Variants in RNF17 observed in about 807,000 individuals in gnomAD.
The protein encoded by RNF17 is ring finger protein 17, also known as spermatogenesis associated 23.
In RNF17, 31 loss-of-function variants were observed where a neutral mutation model predicts 200.5. The observed-to-expected ratio is 0.15, with a 90% CI of 0.12 to 0.21. The LOEUF (loss-of-function observed/expected upper bound fraction) is 0.21, where lower values mean the gene tolerates loss of function less well. Ranked by LOEUF, RNF17 falls within the 10% of genes least tolerant of loss-of-function variation. The probability of loss-of-function intolerance (pLI) is 1.00; values close to 1 mark genes in which losing one functional copy is unlikely to be tolerated. For missense variants in RNF17, 1,628 were observed against 1,905.1 expected (o/e 0.85, Z 2.71); for synonymous variants, 606 against 637.8 (o/e 0.95, Z 0.75).
intron 13 of RNF17, 57 bp downstream of exon 13, chr13:24,800,591 A>G (rs1885125483): frequency 6.8e-7 from 1 of 1,471,280 alleles, no homozygotes; most frequent in African/African-American, 1.4e-5. Flanking sequence ...TTAGCTATGT[A>G]TTGCCAGTTA....
chr13:24,762,468 G>A (rs1174550325), upstream of RNF17, among the ~76,000 whole-genome samples: 2 of 150,908 alleles, frequency 1.3e-5, no homozygotes, highest in Non-Finnish European at 3.0e-5. Flanking sequence ...TCACAAAACT[G>A]TAGAAGAGTC....
At chr13:24,866,080 A>G in intron 29 of RNF17, 64 bp from the exon 30 acceptor site, 1 of 875,580 alleles carries the variant, frequency 1.1e-6, no homozygotes, top group South Asian at 1.5e-5. Flanking sequence ...TGGGGATGAA[A>G]TATGGAAAGT....
chr13:24,796,041 T>C, intron 10 of RNF17, 96 bp from the exon 11 acceptor site: 2 of 893,694 alleles, frequency 2.2e-6, no homozygotes, highest in East Asian at 5.3e-5. Context: ...CACAATGCCA[T>C]AAGACACTCT....
chr13:24,883,218 T>G (rs1953913414), downstream of RNF17: 1 of 1,614,078 alleles, frequency 6.2e-7, no homozygotes, highest in Non-Finnish European at 8.5e-7. Context: ...TCCTTGTCCT[T>G]AACTCTTATC....
In RNF17 at chr13:24,868,641, A is replaced by G. The variant is rs768508587; in HGVS notation, c.4203A>G (p.Pro1401=). ...SAETDTPLLP[P]YLSSSLPSPG... ...AAACAGACACTCCTCTTTTACCACC[A>G]TATTTGTCTTCATCTCTGCCTTCCC... Residue 1401 remains proline, a synonymous_variant, in exon 31 of 36, where the codon CCA becomes CCG. Coordinates refer to ENST00000255324, the MANE Select transcript of RNF17 (RefSeq NM_031277.3). 2.7e-5 allele frequency: 43 copies of G among 1,611,014 alleles called. No homozygotes were observed. The highest frequency in any genetic ancestry group is 5.3e-5 in the African/African-American group (4 of 74,964).
intron 15 of RNF17, among the ~76,000 whole-genome samples, chr13:24,806,782 A>G (rs908981330): frequency 1.8e-4 from 25 of 141,574 alleles, no homozygotes; most frequent in Admixed American, 1.4e-3. Flanking sequence ...ATATCTCCCA[A>G]TGCTATCCCT....
chr13:24,790,625 C>T (rs1823618), intron 9 of RNF17, among the ~76,000 whole-genome samples: 149,616 of 152,296 alleles, frequency 0.98, 73,530 homozygotes, highest in Middle Eastern at 1. Context: ...TCTTCTGTAA[C>T]TCATAAAGAA....
At chr13:24,756,246 A>T in the RNF17 span, among the ~76,000 whole-genome samples, 2 of 152,202 alleles carry the variant, frequency 1.3e-5, no homozygotes, top group African/African-American at 4.8e-5. Context: ...CTAACTGATG[A>T]CATTTTCAGT....
chr13:24,768,258 C>T (rs965542420), intron 2 of RNF17, among the ~76,000 whole-genome samples: 1 of 150,958 alleles, frequency 6.6e-6, no homozygotes, highest in African/African-American at 2.4e-5. Flanking sequence ...TAATATTGTT[C>T]CTGGAAAGTT....
chr13:24,767,185 C>G, intron 1 of RNF17, 87 bp from the exon 2 acceptor site: 1 of 891,316 alleles, frequency 1.1e-6, no homozygotes, highest in Non-Finnish European at 1.8e-6. Context: ...GCTGGTGCCA[C>G]TACACTCCAG....
At chr13:24,751,694 C>T in the RNF17 span, 5 of 152,198 alleles carry the variant, frequency 3.3e-5, no homozygotes, top group Non-Finnish European at 7.3e-5. Flanking sequence ...TTTGTCAGAA[C>T]TCCCTGAATC....
downstream of RNF17, chr13:24,884,058 T>G (rs1310906127): frequency 1.9e-6 from 3 of 1,613,756 alleles, no homozygotes; most frequent in Admixed American, 5.0e-5. Flanking sequence ...ACGTGATTTC[T>G]TTTCTTCCAT....
At chr13:24,871,223 C>G (rs1894214453) in intron 32 of RNF17, among the ~76,000 whole-genome samples, 1 of 152,164 alleles carries the variant, frequency 6.6e-6, no homozygotes, top group Non-Finnish European at 1.5e-5. Context: ...TGATTCTCCT[C>G]TGAGGAAAAT....
chr13:24,828,139 G>T (rs1314626541), intron 16 of RNF17, among the ~76,000 whole-genome samples: 1 of 152,142 alleles, frequency 6.6e-6, no homozygotes. Flanking sequence ...TTCAAATTAG[G>T]ATTATTGGCT....
chr13:24,813,434 G>A (rs1378255371), intron 15 of RNF17, among the ~76,000 whole-genome samples: 2 of 152,134 alleles, frequency 1.3e-5, no homozygotes, highest in African/African-American at 4.8e-5. Context: ...GGTATTACAA[G>A]CATGATTCAC....
In RNF17 at chr13:24,854,142, C is replaced by T; in HGVS notation, c.3608C>T (p.Ser1203Leu). Residue 1203 changes from serine to leucine, a missense_variant and splice_region_variant, in exon 25 of 36, where the codon TCA (serine) becomes TTA (leucine). Transcript: ENST00000255324. Reference protein sequence around the residue: ...DGTIFVVPKLSEFELIKMTNE... With the variant: ...DGTIFVVPKLLEFELIKMTNE... The stretch of plus-strand genomic sequence containing the variant: ...ACTATATTTGTAGTACCTAAACTAT[C>T]AGGTGAGACCTTCTATGTTATGTAG... 3 of 1,605,546 alleles carry T rather than the reference C, an allele frequency of 1.9e-6. No homozygotes were observed. Among genetic ancestry groups the T allele is most frequent in the Non-Finnish European group, 2.6e-6 (3 of 1,174,246 alleles).
chr13:24,866,702 A>G (rs1241417903), intron 30 of RNF17, among the ~76,000 whole-genome samples: 1 of 152,198 alleles, frequency 6.6e-6, no homozygotes, highest in Admixed American at 6.5e-5. Context: ...TTTCCACCTT[A>G]TGGTGGTTGC....
In RNF17 at chr13:24,861,337, C is replaced by G. The variant is rs769475105; in HGVS notation, c.3844C>G (p.Pro1282Ala). ...CCATCTTTACCCTATTTTGCTGTAT[C>G]CTGATATACCCCAGTTTTGTATTCC... ...QCHLYPILLYPDIPQFCIPCQ... is the reference protein window; with the variant it reads ...QCHLYPILLYADIPQFCIPCQ... Residue 1282 changes from proline to alanine, a missense_variant, in exon 27 of 36, where the codon CCT becomes GCT. Physicochemically the swap from Pro to Ala is conservative, Grantham distance 27. This residue lies in a region of RNF17 where 609 missense variants were observed against 681.9 expected (regional missense o/e 0.89). Coordinates refer to ENST00000255324, the MANE Select transcript of RNF17 (RefSeq NM_031277.3). 6.3e-7 allele frequency: 1 copy of G among 1,585,084 alleles called. No individual in the cohort carries two copies. Among genetic ancestry groups the G allele is most frequent in the South Asian group, 1.1e-5 (1 of 88,166 alleles).
At chr13:24,787,777 C>T (rs777763651) in intron 6 of RNF17, among the ~76,000 whole-genome samples, 31 of 152,106 alleles carry the variant, frequency 2.0e-4, no homozygotes, top group Non-Finnish European at 4.1e-4. Context: ...CATTTCAGTT[C>T]AATTTAATGC....
Sources: allele counts gnomAD v4.1 joint callset (sites outside exome capture counted in the v4.1 genomes callset), GRCh38; gene constraint gnomAD v4.1.1; regional missense constraint gnomAD v4.1.1; transcripts MANE v1.5; gene names NCBI Gene and HGNC (gene_info 2026-07-23, HGNC 2026-07-21).